Variants in MEGF11 observed in about 807,000 individuals in gnomAD.
MEGF11 encodes the protein multiple EGF like domains 11, also known as multiple epidermal growth factor-like domains protein 11.
In MEGF11, 126 loss-of-function variants were observed where a neutral mutation model predicts 146.6. The ratio of observed to expected loss-of-function variants is 0.86; its 90% CI spans 0.74 to 1.00. The LOEUF is 1.00. Among genes scored for constraint, MEGF11 ranks in the 50% least tolerant of loss-of-function variants. The probability of loss-of-function intolerance (pLI) is 0.00; values close to 1 mark genes in which losing one functional copy is unlikely to be tolerated. For synonymous variants in MEGF11, 532 were observed against 583.4 expected, an observed-to-expected ratio of 0.91 and a Z score of 1.27; for missense variants, 1,509 against 1,521.2, an observed-to-expected ratio of 0.99 and a Z score of 0.13.
chr15:65,952,715 G>T (rs1425494887), intron 10 of MEGF11, among the ~76,000 whole-genome samples: 1 of 152,170 alleles, frequency 6.6e-6, no homozygotes, highest in Admixed American at 6.5e-5. Context: ...CACTGTTTCC[G>T]ATGGGCAGGG....
chr15:66,224,583 C>G (rs1474737850), intron 1 of MEGF11, among the ~76,000 whole-genome samples: 1 of 145,418 alleles, frequency 6.9e-6, no homozygotes, highest in Admixed American at 7.0e-5. Flanking sequence ...GACTCTGTCT[C>G]AAAAATATAT....
intron 1 of MEGF11, among the ~76,000 whole-genome samples, chr15:66,194,252 A>G (rs2090952480): frequency 6.6e-6 from 1 of 152,186 alleles, no homozygotes; most frequent in Admixed American, 6.5e-5. Flanking sequence ...GGAATGGAAA[A>G]CCCAACATCA....
rs1433467172 is a variant in MEGF11 at position 66,008,432 on chromosome 15, C to G, written c.395-25944G>C. Among the ~76,000 whole-genome samples, 3 of 103,442 alleles carry G rather than the reference C, an allele frequency of 2.9e-5. No homozygotes were observed. The East Asian group carries it at 3.4e-3, about 119-fold the overall frequency. 67.9% of individuals were successfully genotyped at this position (103,442 alleles called of 152,430 possible). On this transcript the variant is annotated intron_variant, in intron 5 of 25. Coordinates refer to ENST00000395614, the MANE Select transcript of MEGF11 (RefSeq NM_001385028.1). Reference sequence around the variant, plus strand: ...GCGCGCACACACACACACACACACACACACACACACACACACACAAAATTA... The same window carrying G: ...GCGCGCACACACACACACACACACAGACACACACACACACACACAAAATTA...
At chr15:66,193,473 A>G (rs1039121858) in intron 1 of MEGF11, among the ~76,000 whole-genome samples, 11 of 152,238 alleles carry the variant, frequency 7.2e-5, no homozygotes, top group African/African-American at 2.7e-4. Context: ...CTAGGAGAGC[A>G]ATATAATAGA....
At chr15:66,140,382 T>C (rs180691851) in intron 1 of MEGF11, among the ~76,000 whole-genome samples, 51 of 151,924 alleles carry the variant, frequency 3.4e-4, no homozygotes, top group Non-Finnish European at 6.8e-4. Flanking sequence ...CACCCATTCC[T>C]TATTCCTGGA....
chr15:66,157,853 A>G (rs1446304566), intron 1 of MEGF11, among the ~76,000 whole-genome samples: 1 of 152,214 alleles, frequency 6.6e-6, no homozygotes, highest in Non-Finnish European at 1.5e-5. Context: ...TCTAAAGGGA[A>G]GGTTAAAGTT....
intron 10 of MEGF11, among the ~76,000 whole-genome samples, chr15:65,931,740 C>T (rs932157434): frequency 3.3e-5 from 5 of 152,144 alleles, no homozygotes; most frequent in East Asian, 3.8e-4. Context: ...ATATCCTATC[C>T]GCATTTGCCT....
At chr15:66,067,302 T>C (rs1357886433) in intron 5 of MEGF11, among the ~76,000 whole-genome samples, 3 of 152,236 alleles carry the variant, frequency 2.0e-5, no homozygotes, top group African/African-American at 7.2e-5. Context: ...CACACGGTGG[T>C]CACCAACAGT....
chr15:66,148,306 C>T (rs2089447831), intron 1 of MEGF11, among the ~76,000 whole-genome samples: 1 of 152,186 alleles, frequency 6.6e-6, no homozygotes, highest in African/African-American at 2.4e-5. Flanking sequence ...GACAATCCCA[C>T]TTAGGTGAGA....
At chr15:66,188,044 G>C (rs889182098) in intron 1 of MEGF11, among the ~76,000 whole-genome samples, 7 of 152,054 alleles carry the variant, frequency 4.6e-5, no homozygotes, top group Non-Finnish European at 1.0e-4. Context: ...TCTGTGCTGG[G>C]GGGAGCCGGA....
intron 1 of MEGF11, among the ~76,000 whole-genome samples, chr15:66,198,416 C>T (rs1432082389): frequency 6.6e-6 from 1 of 152,238 alleles, no homozygotes; most frequent in Admixed American, 6.5e-5. Context: ...CTTGGTACTT[C>T]ACCACCCATG....
chr15:65,968,276 C>A (rs541664057), intron 8 of MEGF11, among the ~76,000 whole-genome samples: 1 of 152,332 alleles, frequency 6.6e-6, no homozygotes, highest in African/African-American at 2.4e-5. Context: ...GAGTTGCCAG[C>A]CCCTGTTCAG....
At chr15:66,068,991 G>C (rs1275848824) in intron 5 of MEGF11, among the ~76,000 whole-genome samples, 1 of 152,240 alleles carries the variant, frequency 6.6e-6, no homozygotes, top group African/African-American at 2.4e-5. Context: ...GGGAGTGGCA[G>C]TGTGCTTGGT....
At chr15:66,216,555 C>A (rs1437383311) in intron 1 of MEGF11, among the ~76,000 whole-genome samples, 1 of 152,102 alleles carries the variant, frequency 6.6e-6, no homozygotes, top group Non-Finnish European at 1.5e-5. Context: ...CTGAGCAACC[C>A]ACCCCAACCT....
chr15:65,967,937 A>G (rs1279280102), intron 8 of MEGF11, among the ~76,000 whole-genome samples: 1 of 152,082 alleles, frequency 6.6e-6, no homozygotes, highest in Non-Finnish European at 1.5e-5. Context: ...GGAGCAGCAC[A>G]TATTCTCATC....
rs762569865 is a variant in MEGF11, at chr15:65,913,923, G to C, written c.2524C>G (p.Leu842Val). 3.1e-6 allele frequency: 5 copies of C among 1,614,038 alleles called. No individual in the cohort carries two copies. Among genetic ancestry groups the C allele is most frequent in the Non-Finnish European group, 3.4e-6 (4 of 1,179,894 alleles). Residue 842 changes from leucine (L) to valine (V), a missense_variant, in exon 20 of 26, where the codon CTG becomes GTG. Transcript: ENST00000395614. ...LNPYTKISPALGAERHSVGAV... is the reference protein window; with the variant it reads ...LNPYTKISPAVGAERHSVGAV... ...CCCACCGAGTGCCGCTCTGCACCCA[G>C]TGCTGGGCTGATCTTGGTGTAGGGA...
At position 65,912,741 on chromosome 15, in the gene MEGF11, G is replaced by A. The variant is rs333543; in HGVS notation, c.2711-541C>T. Among the ~76,000 whole-genome samples, 444 of 152,344 alleles carry A rather than the reference G, an allele frequency of 2.9e-3. 4 individuals carry two copies. The highest frequency in any genetic ancestry group is 0.01 in the African/African-American group (428 of 41,584). ...TGTGTGTGGGATGTCTGCTTTGGCT[G>A]TAGTGTGGCATGTAGACCAGGAGCT... On this transcript the variant is annotated intron_variant, in intron 20 of 25. Transcript: ENST00000395614.
At chr15:66,179,822 C>A (rs1434646491) in intron 1 of MEGF11, among the ~76,000 whole-genome samples, 1 of 147,634 alleles carries the variant, frequency 6.8e-6, no homozygotes, top group South Asian at 2.2e-4. Context: ...CACCCCCCCA[C>A]CCCCACCAAC....
At chr15:66,116,806 C>T (rs1392401708) in intron 4 of MEGF11, among the ~76,000 whole-genome samples, 1 of 152,206 alleles carries the variant, frequency 6.6e-6, no homozygotes, top group Non-Finnish European at 1.5e-5. Context: ...ACTCAACCCC[C>T]ACTCTGTGCC....
Sources: allele counts gnomAD v4.1 joint callset (sites outside exome capture counted in the v4.1 genomes callset), GRCh38; gene constraint gnomAD v4.1.1; transcripts MANE v1.5; gene names NCBI Gene and HGNC (gene_info 2026-07-23, HGNC 2026-07-21).